Variants in PDE3B observed in about 807,000 individuals in gnomAD.
The protein encoded by PDE3B is phosphodiesterase 3B.
In PDE3B, 66 loss-of-function variants were observed where a neutral mutation model predicts 116.8. The observed-to-expected ratio is 0.56, with a 90% confidence interval of 0.46 to 0.69. The LOEUF (loss-of-function observed/expected upper bound fraction) is 0.69, where lower values mean the gene tolerates loss of function less well. Ranked by LOEUF, PDE3B falls within the 30% of genes least tolerant of loss-of-function variation. The pLI is 0.00. For synonymous variants in PDE3B, 595 were observed against 533.6 expected (o/e 1.12, Z -1.59); for missense variants, 1,384 against 1,368.1 (o/e 1.01, Z -0.18).
intron 1 of PDE3B, among the ~76,000 whole-genome samples, chr11:14,664,494 G>C (rs1172828596): frequency 2.0e-5 from 3 of 151,720 alleles, no homozygotes; most frequent in South Asian, 4.2e-4. Flanking sequence ...TTTTTGAAAG[G>C]ATCAAGAAAA....
chr11:14,866,655 A>G (rs1405175159), intron 14 of PDE3B, among the ~76,000 whole-genome samples: 2 of 152,214 alleles, frequency 1.3e-5, no homozygotes, highest in Non-Finnish European at 2.9e-5. Context: ...ATGTTGGCTC[A>G]TTACAGAACA....
At chr11:14,731,250 CTTTGA>C (rs1384460483) in intron 1 of PDE3B, among the ~76,000 whole-genome samples, 1 of 143,772 alleles carries the variant, frequency 7.0e-6, no homozygotes, top group African/African-American at 2.6e-5. Context: ...AAGCATTTTA[CTTTGA>C]TTTTTTTTTT....
chr11:14,758,097 A>G (rs1857247363), intron 1 of PDE3B, among the ~76,000 whole-genome samples: 1 of 152,060 alleles, frequency 6.6e-6, no homozygotes, highest in African/African-American at 2.4e-5. Context: ...CAGGTTTGTC[A>G]AAGATCAGAT....
intron 2 of PDE3B, among the ~76,000 whole-genome samples, chr11:14,780,180 C>A (rs1857939463): frequency 6.6e-6 from 1 of 152,056 alleles, no homozygotes; most frequent in African/African-American, 2.4e-5. Flanking sequence ...CCTTAGAGAC[C>A]TACAAAGAGA....
chr11:14,745,161 T>C (rs1007091056), intron 1 of PDE3B, among the ~76,000 whole-genome samples: 4 of 152,168 alleles, frequency 2.6e-5, no homozygotes, highest in Non-Finnish European at 4.4e-5. Context: ...TGTTTTGTTC[T>C]TTTCACATTC....
intron 10 of PDE3B, 95 bp from the exon 11 acceptor site, chr11:14,834,887 A>G: frequency 1.8e-6 from 1 of 553,298 alleles, no homozygotes. Flanking sequence ...AGTCTGTCAC[A>G]TCTTTTTTAT....
At chr11:14,881,058 T>C in the PDE3B span, among the ~76,000 whole-genome samples, 1 of 152,126 alleles carries the variant, frequency 6.6e-6, no homozygotes, top group Non-Finnish European at 1.5e-5. Flanking sequence ...CAGGTGACTA[T>C]ATTATCCAAC....
At chr11:14,735,098 C>T (rs2133858160) in intron 1 of PDE3B, among the ~76,000 whole-genome samples, 1 of 152,200 alleles carries the variant, frequency 6.6e-6, no homozygotes, top group South Asian at 2.1e-4. Context: ...TCATATTTTT[C>T]ACTACAGAAA....
At position 14,771,951 on chromosome 11, in the gene PDE3B, T is replaced by C. The variant is rs1184070721; in HGVS notation, c.993T>C (p.Asp331=). 1 of 1,360,212 alleles carries C rather than the reference T, an allele frequency of 7.4e-7. No individual in the cohort carries two copies. 84.3% of individuals were successfully genotyped at this position (1,360,212 alleles called of 1,614,324 possible). Reference sequence around the variant, plus strand: ...TTTTTTTCTAGATGATTCTTTGGGATTGGGACTTAAAACAATGGTATAAGC... The same window carrying C: ...TTTTTTTCTAGATGATTCTTTGGGACTGGGACTTAAAACAATGGTATAAGC... ...CISREQMILW[D]WDLKQWYKPH... is the part of the protein sequence containing the mutation. The change falls in exon 2 of 16, where the codon GAT becomes GAC. Residue 331 remains aspartate (D), a synonymous_variant. Coordinates refer to ENST00000282096, the MANE Select transcript of PDE3B (RefSeq NM_000922.4).
chr11:14,711,914 G>A (rs1411769571), intron 1 of PDE3B, among the ~76,000 whole-genome samples: 1 of 152,154 alleles, frequency 6.6e-6, no homozygotes, highest in Admixed American at 6.5e-5. Flanking sequence ...ACATGTCAGG[G>A]AAGGAAAGAA....
chr11:14,668,030 A>C (rs918173183), intron 1 of PDE3B, among the ~76,000 whole-genome samples: 4 of 151,618 alleles, frequency 2.6e-5, no homozygotes, highest in Admixed American at 2.0e-4. Context: ...TTAATGCAAG[A>C]GTAAAAAAAA....
In PDE3B at chr11:14,869,546, C is replaced by A. The variant is rs782627306; in HGVS notation, c.3225C>A (p.Ile1075=). 4 of 1,612,840 alleles carry A rather than the reference C, an allele frequency of 2.5e-6. No individual in the cohort carries two copies. The African/African-American group carries it at 5.4e-5, about 22-fold the overall frequency. Residue 1075 remains isoleucine (I), a synonymous_variant, in exon 16 of 16, where the codon ATC becomes ATA. Transcript: ENST00000282096. ...AAAACCACAAGATATGGAAGGAAAT[C>A]GTAGAGGAAGAAGAAAAATGTAAAG... The part of the protein sequence containing the change: ...LTENHKIWKE[I]VEEEEKCKAD...
intron 1 of PDE3B, among the ~76,000 whole-genome samples, chr11:14,681,301 C>T (rs1854698914): frequency 6.6e-6 from 1 of 152,130 alleles, no homozygotes; most frequent in South Asian, 2.1e-4. Context: ...TGTTCCCACC[C>T]AAATCTCATC....
chr11:14,683,428 ATTCAT>A (rs1854773101), intron 1 of PDE3B, among the ~76,000 whole-genome samples: 1 of 152,090 alleles, frequency 6.6e-6, no homozygotes, highest in African/African-American at 2.4e-5. Context: ...CAAGTAATCG[ATTCAT>A]TTCATCTAAG....
At chr11:14,838,419 A>C (rs1019090236) in intron 11 of PDE3B, among the ~76,000 whole-genome samples, 97 of 152,190 alleles carry the variant, frequency 6.4e-4, no homozygotes, top group Non-Finnish European at 1.8e-4. Context: ...AAGATATCAA[A>C]TGGGAAATAA....
the PDE3B span, among the ~76,000 whole-genome samples, chr11:14,889,210 A>C: frequency 6.6e-6 from 1 of 151,502 alleles, no homozygotes; most frequent in African/African-American, 2.4e-5. Context: ...TTTAAAAGAC[A>C]GTGGAAAACT....
chr11:14,776,758 A>G (rs1857799432), intron 2 of PDE3B: 1 of 152,084 alleles, frequency 6.6e-6, no homozygotes, highest in Non-Finnish European at 1.5e-5. Context: ...GTAGGCCAGG[A>G]CCTGTGTGAT....
intron 1 of PDE3B, among the ~76,000 whole-genome samples, chr11:14,763,282 G>A (rs1253975040): frequency 6.6e-6 from 1 of 152,004 alleles, no homozygotes; most frequent in African/African-American, 2.4e-5. Context: ...TGATGGATCA[G>A]AAGTATGAAG....
chr11:14,725,644 C>T (rs1856283365), intron 1 of PDE3B, among the ~76,000 whole-genome samples: 1 of 137,042 alleles, frequency 7.3e-6, no homozygotes, highest in South Asian at 2.6e-4. Flanking sequence ...CTTTTTCTCT[C>T]TCTCTTTCTT....
Sources: allele counts gnomAD v4.1 joint callset (sites outside exome capture counted in the v4.1 genomes callset), GRCh38; gene constraint gnomAD v4.1.1; transcripts MANE v1.5; gene names NCBI Gene and HGNC (gene_info 2026-07-23, HGNC 2026-07-21).